CPS1: variants seen among roughly 807,000 people sequenced by gnomAD.
CPS1 encodes the protein carbamoyl-phosphate synthase [ammonia], mitochondrial.
In CPS1, 109 loss-of-function variants were observed where a neutral mutation model predicts 174.6. The observed-to-expected ratio is 0.62, with a 90% CI of 0.53 to 0.73. The LOEUF (loss-of-function observed/expected upper bound fraction) is 0.73, where lower values mean the gene tolerates loss of function less well. CPS1 is among the 30% of genes least tolerant of loss of function. The pLI is 0.00. For synonymous variants in CPS1, 637 were observed against 632.0 expected (o/e 1.01, Z -0.12); for missense variants, 1,689 against 1,821.9 (o/e 0.93, Z 1.33).
At position 210,533,545 on chromosome 2, in the gene CPS1, C is replaced by T. The variant is rs566139434; in HGVS notation, c.4-23174C>T. Among the ~76,000 whole-genome samples, 6 of 152,230 alleles carry T rather than the reference C, an allele frequency of 3.9e-5. No individual in the cohort carries two copies. The South Asian group carries it at 1.2e-3, about 32-fold the overall frequency. ...CCAGAATATGAACCAGGAAGTCAGG[C>T]TCTCGAGTCTGTGTTCTCCGGTACA... On this transcript the variant is annotated intron_variant, in intron 1 of 38. Coordinates refer to the CPS1 transcript ENST00000430249.
chr2:210,564,092 A>G (rs1697198990), intron 1 of CPS1, among the ~76,000 whole-genome samples: 2 of 152,210 alleles, frequency 1.3e-5, no homozygotes, highest in South Asian at 4.1e-4. Flanking sequence ...TGTGAGGAAA[A>G]TTTAAAACCC....
chr2:210,535,702 C>T (rs1208232506), intron 1 of CPS1, among the ~76,000 whole-genome samples: 2 of 152,074 alleles, frequency 1.3e-5, no homozygotes, highest in Non-Finnish European at 2.9e-5. Context: ...AACACAAGGA[C>T]TCCTGGGGAA....
rs113132447 is a variant in CPS1, at chr2:210,594,381, C to A, written c.1165-127C>A. On this transcript the variant is annotated intron_variant, in intron 11 of 37. Coordinates refer to ENST00000233072, the MANE Select transcript of CPS1 (RefSeq NM_001875.5). Reference sequence around the variant, plus strand: ...GTTATTGACAAAAAAGCAAAAAAAGCTGAAATGCTATAATAAAAATTATTT... The same window carrying A: ...GTTATTGACAAAAAAGCAAAAAAAGATGAAATGCTATAATAAAAATTATTT... 5,867 of 687,952 alleles carry A rather than the reference C, an allele frequency of 8.5e-3. 146 individuals carry two copies. Among genetic ancestry groups the A allele is most frequent in the African/African-American group, 0.065 (3,590 of 55,050 alleles). The allele number at this position is 687,952 out of a possible 1,614,324, so 42.6% of individuals were successfully genotyped here.
intron 6 of CPS1, 79 bp downstream of exon 6, chr2:210,582,788 G>A (rs1194131064): frequency 2.6e-6 from 3 of 1,141,498 alleles, no homozygotes; most frequent in African/African-American, 1.5e-5. Flanking sequence ...TCTTTATTTA[G>A]GCAGAGTTTA....
chr2:210,654,033 A>G lies in CPS1; in HGVS notation c.3489A>G (p.Pro1163=), dbSNP rs1574646028. ...GTTTTCCTTCGTGACAGGAGCACCC[A>G]GTGGTGCTGACAAAATTTGTTGAAG... ...EEATRVSQEH[P]VVLTKFVEGA... is the part of the protein sequence containing the mutation. Residue 1163 remains proline, a synonymous_variant, in exon 29 of 38, where the codon CCA becomes CCG. Transcript: ENST00000233072. 6.2e-7 allele frequency: 1 copy of G among 1,613,456 alleles called. No homozygotes were observed. The highest frequency in any genetic ancestry group is 2.2e-5 in the East Asian group (1 of 44,874).
chr2:210,520,203 C>G (rs1695785275), intron 1 of CPS1, among the ~76,000 whole-genome samples: 1 of 151,922 alleles, frequency 6.6e-6, no homozygotes. Flanking sequence ...AAATTTTACT[C>G]ATAAAGTATT....
chr2:210,554,442 T>C (rs1247893224), upstream of CPS1, among the ~76,000 whole-genome samples: 1 of 151,778 alleles, frequency 6.6e-6, no homozygotes, highest in Non-Finnish European at 1.5e-5. Flanking sequence ...AAAAACATGT[T>C]TAATTCATCA....
At chr2:210,589,477 G>A (rs1206091183) in intron 7 of CPS1, among the ~76,000 whole-genome samples, 1 of 152,030 alleles carries the variant, frequency 6.6e-6, no homozygotes, top group Admixed American at 6.6e-5. Context: ...AAAAAGGTCT[G>A]ACGTGGGCCA....
chr2:210,672,104 A>C (rs1481844935), intron 34 of CPS1: 5 of 152,130 alleles, frequency 3.3e-5, no homozygotes, highest in Admixed American at 2.0e-4. Flanking sequence ...GATTCAATAG[A>C]TCTGGGGTGG....
chr2:210,539,940 G>A (rs1696356019), intron 1 of CPS1, among the ~76,000 whole-genome samples: 1 of 152,166 alleles, frequency 6.6e-6, no homozygotes, highest in Non-Finnish European at 1.5e-5. Flanking sequence ...CTGCTGGCCT[G>A]CTGCTGTCAT....
intron 1 of CPS1, among the ~76,000 whole-genome samples, chr2:210,526,320 A>G (rs1695971737): frequency 6.6e-6 from 1 of 151,770 alleles, no homozygotes; most frequent in African/African-American, 2.4e-5. Flanking sequence ...ACCATGGCAC[A>G]TGTATACCTA....
At chr2:210,506,542 C>T (rs964993268) in intron 1 of CPS1, among the ~76,000 whole-genome samples, 11 of 152,072 alleles carry the variant, frequency 7.2e-5, no homozygotes, top group East Asian at 5.8e-4. Context: ...ATGACTCTGA[C>T]GAGCTGAGAG....
At chr2:210,553,199 G>A (rs995034816), upstream of CPS1, among the ~76,000 whole-genome samples, 1 of 151,402 alleles carries the variant, frequency 6.6e-6, no homozygotes, top group African/African-American at 2.4e-5. Flanking sequence ...CAAGTCAATG[G>A]CAATTTTCAA....
chr2:210,658,776 A>G (rs1574652175), intron 31 of CPS1, 88 bp downstream of exon 31: 1 of 985,446 alleles, frequency 1.0e-6, no homozygotes, highest in East Asian at 2.5e-5. Flanking sequence ...CTCTGTGAAC[A>G]CCAGACAAAG....
chr2:210,605,330 C>A, intron 17 of CPS1, 84 bp downstream of exon 17: 1 of 1,421,454 alleles, frequency 7.0e-7, no homozygotes, highest in Non-Finnish European at 9.9e-7. Context: ...AAGTTGTTGC[C>A]TTTAAATTAC....
intron 1 of CPS1, among the ~76,000 whole-genome samples, chr2:210,496,029 G>A (rs111797720): frequency 6.6e-6 from 1 of 151,682 alleles, no homozygotes; most frequent in Non-Finnish European, 1.5e-5. Flanking sequence ...AGGCAAATTG[G>A]TAGGCAACTT....
At chr2:210,600,027 A>T (rs1177944169) in intron 14 of CPS1, among the ~76,000 whole-genome samples, 2 of 151,838 alleles carry the variant, frequency 1.3e-5, no homozygotes, top group Admixed American at 1.3e-4. Context: ...TTCTCTTTAA[A>T]ATTCTTCAAA....
At chr2:210,485,720 C>T (rs1304804525) in intron 1 of CPS1, among the ~76,000 whole-genome samples, 1 of 152,108 alleles carries the variant, frequency 6.6e-6, no homozygotes, top group Non-Finnish European at 1.5e-5. Flanking sequence ...TTGGCTATTA[C>T]AAATAAAGCT....
chr2:210,567,596 G>T (rs1278434806), intron 1 of CPS1, among the ~76,000 whole-genome samples: 1 of 152,144 alleles, frequency 6.6e-6, no homozygotes, highest in Non-Finnish European at 1.5e-5. Flanking sequence ...TGGAGGATTA[G>T]ATTTCTACAT....
Sources: gnomAD v4.1 joint callset for allele counts (sites outside exome capture counted in the v4.1 genomes callset) on GRCh38, gnomAD v4.1.1 for gene constraint, MANE v1.5 for transcripts, NCBI Gene and HGNC (gene_info 2026-07-23, HGNC 2026-07-21) for gene names.